Variants in RPS6KA2 observed in about 807,000 individuals in gnomAD.
RPS6KA2 encodes ribosomal protein S6 kinase A2.
RPS6KA2 carries 42 observed loss-of-function variants against 91.8 expected under a neutral mutation model. That is an observed-to-expected ratio of 0.46 (90% CI 0.36 to 0.59). The LOEUF (loss-of-function observed/expected upper bound fraction) is 0.59, where lower values mean the gene tolerates loss of function less well. Ranked by LOEUF, RPS6KA2 falls within the 20% of genes least tolerant of loss-of-function variation. The pLI, the probability that RPS6KA2 is intolerant of heterozygous loss-of-function variation, is 0.00. For missense variants in RPS6KA2, 798 were observed against 978.5 expected (o/e 0.82, Z 2.46); for synonymous variants, 414 against 393.6 (o/e 1.05, Z -0.61).
intron 2 of RPS6KA2, among the ~76,000 whole-genome samples, chr6:166,739,535 C>T (rs1790754126): frequency 6.6e-6 from 1 of 152,214 alleles, no homozygotes; most frequent in African/African-American, 2.4e-5. Context: ...GTTGGCTTCA[C>T]TGGGAGCTTT....
At chr6:166,420,003 A>G (rs1162503687) in intron 17 of RPS6KA2, 45 bp from the exon 18 acceptor site, 2 of 1,563,054 alleles carry the variant, frequency 1.3e-6, no homozygotes, top group Non-Finnish European at 1.8e-6. Context: ...CACTAAGGAC[A>G]TTCAGATTGA....
At chr6:166,625,661 A>AT (rs1259467319) in intron 1 of RPS6KA2, among the ~76,000 whole-genome samples, 1 of 152,158 alleles carries the variant, frequency 6.6e-6, no homozygotes, top group Admixed American at 6.5e-5. Flanking sequence ...TCAACTTCAG[A>AT]TTTTTTAAGT....
intron 2 of RPS6KA2, among the ~76,000 whole-genome samples, chr6:166,721,394 C>G (rs1010686881): frequency 6.6e-6 from 1 of 152,234 alleles, no homozygotes; most frequent in Non-Finnish European, 1.5e-5. Flanking sequence ...AGCCCAGACA[C>G]TGGGTCCTGA....
intron 14 of RPS6KA2, among the ~76,000 whole-genome samples, chr6:166,443,732 G>A (rs1416526404): frequency 6.6e-6 from 1 of 152,114 alleles, no homozygotes. Context: ...GTCTATGCTT[G>A]AGCACATAAA....
rs1007739268 is a variant in RPS6KA2, at chr6:166,737,704, C to T, written c.123+120496G>A. On this transcript the variant is annotated intron_variant, in intron 2 of 21. Transcript: ENST00000503859. This position sits in a 1 kb window ranked among gnomAD's most constrained non-coding sequence, Gnocchi z 4.3. The stretch of plus-strand genomic sequence containing the variant: ...CCAGGTACCTGGGCCATGGATCTAA[C>T]TCCTGTGATGCTATAAAGGACTCTG... Among the ~76,000 whole-genome samples, 4 of 152,160 alleles carry T rather than the reference C, an allele frequency of 2.6e-5. No homozygotes were observed. The highest frequency in any genetic ancestry group is 7.2e-5 in the African/African-American group (3 of 41,432).
chr6:166,524,741 C>T (rs549627044), intron 3 of RPS6KA2, among the ~76,000 whole-genome samples: 71 of 152,334 alleles, frequency 4.7e-4, no homozygotes, highest in African/African-American at 1.6e-3. Context: ...AGCCTCACGT[C>T]GGCAATGATG....
chr6:166,566,387 T>C (rs983506412), intron 1 of RPS6KA2, among the ~76,000 whole-genome samples: 5 of 152,194 alleles, frequency 3.3e-5, no homozygotes, highest in African/African-American at 4.8e-5. Flanking sequence ...CTGCCAGCCA[T>C]GTCTGAATGA....
chr6:166,587,840 A>AG (rs1453338742), intron 1 of RPS6KA2, among the ~76,000 whole-genome samples: 2 of 152,178 alleles, frequency 1.3e-5, no homozygotes, highest in Non-Finnish European at 2.9e-5. Flanking sequence ...CATTCATGGC[A>AG]GGACTTTCCG....
At chr6:166,743,360 T>C (rs1233610798) in intron 2 of RPS6KA2, among the ~76,000 whole-genome samples, 1 of 152,158 alleles carries the variant, frequency 6.6e-6, no homozygotes, top group African/African-American at 2.4e-5. Context: ...CTCGTGAACA[T>C]GCCCACAGAA....
intron 2 of RPS6KA2, among the ~76,000 whole-genome samples, chr6:166,536,955 T>C (rs182565029): frequency 6.6e-6 from 1 of 152,248 alleles, no homozygotes; most frequent in Non-Finnish European, 1.5e-5. Context: ...CCAAAACATG[T>C]TTTTTTAAAG....
chr6:166,563,796 A>C lies in RPS6KA2; in HGVS notation c.100-25012T>G, dbSNP rs1304151566. Among the ~76,000 whole-genome samples, 1 of 152,208 alleles carries C rather than the reference A, an allele frequency of 6.6e-6. No homozygotes were observed. Among genetic ancestry groups the C allele is most frequent in the Non-Finnish European group, 1.5e-5 (1 of 68,044 alleles). Reference sequence around the variant, plus strand: ...TGTTTGTAAGATGTATATGATTTTCATATCTATATCAGTGCTTATAATATT... The same window carrying C: ...TGTTTGTAAGATGTATATGATTTTCCTATCTATATCAGTGCTTATAATATT... On this transcript the variant is annotated intron_variant, in intron 1 of 20. Coordinates refer to ENST00000265678, the MANE Select transcript of RPS6KA2 (RefSeq NM_021135.6). This position sits in a 1 kb window ranked among gnomAD's most constrained non-coding sequence, Gnocchi z 4.1.
chr6:166,858,162 CCAAA>C (rs770418022), intron 2 of RPS6KA2: 2 of 1,272,580 alleles, frequency 1.6e-6, no homozygotes, highest in Admixed American at 1.7e-5. Flanking sequence ...CCCAATCTCC[CCAAA>C]CAAAGCAGAG....
intron 1 of RPS6KA2, among the ~76,000 whole-genome samples, chr6:166,586,674 C>CAGGCTGATCTTTTAAGGTTAAAGAGAAAA (rs1161450925): frequency 3.2e-5 from 4 of 124,606 alleles, no homozygotes; most frequent in African/African-American, 1.9e-4. Flanking sequence ...GAGCGCCTTC[C>CAGGCTGATCTTTTAAGGTTAAAGAGAAAA]TCTCCAAACA....
In RPS6KA2 at chr6:166,679,048, G is replaced by C. The variant is rs148408807; in HGVS notation, c.124-140264C>G. 7.7e-4 allele frequency among the ~76,000 whole-genome samples: 117 copies of C among 152,266 alleles called. 1 individual carries two copies. Among genetic ancestry groups the C allele is most frequent in the African/African-American group, 2.7e-3 (113 of 41,564 alleles). On this transcript the variant is annotated intron_variant, in intron 2 of 21. Coordinates refer to the RPS6KA2 transcript ENST00000503859. ...GATTTAGTTCACGTTACAAAACCTGGTTGACCAATTACCAGCACTAACAGA... is the reference window on the plus strand; with the variant it reads ...GATTTAGTTCACGTTACAAAACCTGCTTGACCAATTACCAGCACTAACAGA...
intron 1 of RPS6KA2, among the ~76,000 whole-genome samples, chr6:166,601,713 C>T (rs953629747): frequency 4.6e-5 from 7 of 152,084 alleles, no homozygotes; most frequent in African/African-American, 1.7e-4. Context: ...AAGCAGAAAA[C>T]AAAACTAGTT....
Position 166,564,754 on chromosome 6 carries a change from A to C in RPS6KA2, c.100-25970T>G, listed in dbSNP as rs573942531. Among the ~76,000 whole-genome samples, 8 of 152,300 alleles carry C rather than the reference A, an allele frequency of 5.3e-5. No homozygotes were observed. In the South Asian group the frequency reaches 1.7e-3, roughly 32 times the overall value. On this transcript the variant is annotated intron_variant, in intron 1 of 20. Coordinates refer to ENST00000265678, the MANE Select transcript of RPS6KA2 (RefSeq NM_021135.6). ...AAACTGGGAACTTTCTATGGGGGAA[A>C]GTCCTTGCTCATCCTCCCGAGCCAC...
chr6:166,509,627 T>G (rs1295135192), intron 4 of RPS6KA2, among the ~76,000 whole-genome samples: 1 of 152,224 alleles, frequency 6.6e-6, no homozygotes, highest in Admixed American at 6.5e-5. Flanking sequence ...TCTGGATTAT[T>G]AGGTGGGAAA....
At chr6:166,640,215 A>C (rs945387405) in intron 2 of RPS6KA2, among the ~76,000 whole-genome samples, 11 of 135,560 alleles carry the variant, frequency 8.1e-5, no homozygotes, top group African/African-American at 3.3e-4. Context: ...CTGTAGCTTA[A>C]AAAGGAAAAA....
intron 2 of RPS6KA2, among the ~76,000 whole-genome samples, chr6:166,822,078 G>A (rs527287121): frequency 3.7e-4 from 56 of 152,234 alleles, no homozygotes; most frequent in Middle Eastern, 3.4e-3. Context: ...TCCTGGAGCT[G>A]GCCTCCTGCT....
Sources: gnomAD v4.1 joint callset for allele counts (sites outside exome capture counted in the v4.1 genomes callset) on GRCh38, gnomAD v4.1.1 for gene constraint, Gnocchi (gnomAD v3.1) non-coding constraint, MANE v1.5 for transcripts, NCBI Gene and HGNC (gene_info 2026-07-23, HGNC 2026-07-21) for gene names.